Variants in CMSS1 observed in about 807,000 individuals in gnomAD.
The protein encoded by CMSS1 is cms1 ribosomal small subunit homolog.
A neutral mutation model predicts 43.5 loss-of-function variants in CMSS1; 33 were observed. The ratio of observed to expected loss-of-function variants is 0.76; its 90% CI spans 0.57 to 1.01. The LOEUF (loss-of-function observed/expected upper bound fraction) is 1.01, where lower values mean the gene tolerates loss of function less well. Ranked by LOEUF, CMSS1 falls within the 50% of genes least tolerant of loss-of-function variation. The probability of loss-of-function intolerance (pLI) is 0.00; values close to 1 mark genes in which losing one functional copy is unlikely to be tolerated. For synonymous variants in CMSS1, 115 were observed against 117.2 expected (o/e 0.98, Z 0.12); for missense variants, 313 against 326.4 (o/e 0.96, Z 0.32).
intron 1 of CMSS1, among the ~76,000 whole-genome samples, chr3:99,876,777 C>CAA (rs1705548020): frequency 6.6e-6 from 1 of 152,014 alleles, no homozygotes; most frequent in Non-Finnish European, 1.5e-5. Flanking sequence ...TTATTTTTTT[C>CAA]AGTGTTTTTC....
chr3:99,834,180 C>T (rs1261058030), intron 1 of CMSS1, among the ~76,000 whole-genome samples: 1 of 152,142 alleles, frequency 6.6e-6, no homozygotes, highest in African/African-American at 2.4e-5. Flanking sequence ...AACAATGAAA[C>T]TTTATCACTA....
chr3:100,080,253 G>A (rs2065910837), intron 1 of CMSS1, among the ~76,000 whole-genome samples: 1 of 152,048 alleles, frequency 6.6e-6, no homozygotes, highest in African/African-American at 2.4e-5. Flanking sequence ...AAAGTATTGG[G>A]ATTACAAGCA....
intron 7 of CMSS1, 94 bp from the exon 8 acceptor site, chr3:100,172,222 C>A: frequency 8.8e-7 from 1 of 1,141,318 alleles, no homozygotes; most frequent in Admixed American, 2.1e-5. Flanking sequence ...TTGTATTTCA[C>A]TTTCTTAACT....
intron 1 of CMSS1, among the ~76,000 whole-genome samples, chr3:100,007,959 A>G (rs1481578450): frequency 6.6e-6 from 1 of 152,122 alleles, no homozygotes; most frequent in Non-Finnish European, 1.5e-5. Flanking sequence ...TTTCTTGCAA[A>G]TTTGGAAACT....
At chr3:100,127,418 C>A (rs2066672357) in intron 1 of CMSS1, among the ~76,000 whole-genome samples, 1 of 152,186 alleles carries the variant, frequency 6.6e-6, no homozygotes, top group African/African-American at 2.4e-5. Flanking sequence ...CCCAGGATGG[C>A]TCTAAAACCT....
chr3:100,039,953 C>G (rs1298776390), intron 1 of CMSS1: 3 of 152,122 alleles, frequency 2.0e-5, no homozygotes, highest in Non-Finnish European at 4.4e-5. Context: ...TGGGGTTTCA[C>G]TGTGTTAGCC....
At chr3:100,038,926 A>G (rs117397001) in intron 1 of CMSS1, among the ~76,000 whole-genome samples, 1 of 152,276 alleles carries the variant, frequency 6.6e-6, no homozygotes, top group East Asian at 1.9e-4. Context: ...GAAAGAATGA[A>G]CGTACATGTT....
At chr3:99,951,347 A>G (rs924421857) in intron 1 of CMSS1, among the ~76,000 whole-genome samples, 2 of 151,980 alleles carry the variant, frequency 1.3e-5, no homozygotes, top group African/African-American at 4.8e-5. Flanking sequence ...AACCTCCCCC[A>G]CTGAACCCTT....
chr3:100,096,833 G>A (rs1248250586), intron 1 of CMSS1, among the ~76,000 whole-genome samples: 1 of 152,032 alleles, frequency 6.6e-6, no homozygotes, highest in Non-Finnish European at 1.5e-5. Context: ...CCCATGATGT[G>A]ATTATTATAC....
At chr3:100,063,909 CT>C (rs770280786) in intron 1 of CMSS1, among the ~76,000 whole-genome samples, 18 of 152,302 alleles carry the variant, frequency 1.2e-4, no homozygotes, top group Non-Finnish European at 2.4e-4. Context: ...ATGTTAAAAT[CT>C]CTCCACATGT....
At chr3:100,130,426 T>C (rs1405284069) in intron 1 of CMSS1, among the ~76,000 whole-genome samples, 1 of 152,238 alleles carries the variant, frequency 6.6e-6, no homozygotes, top group Non-Finnish European at 1.5e-5. Flanking sequence ...TAAAGACTCA[T>C]ATTATGTGGC....
At chr3:100,012,376 T>TA (rs1710182909) in intron 1 of CMSS1, among the ~76,000 whole-genome samples, 1 of 152,114 alleles carries the variant, frequency 6.6e-6, no homozygotes, top group African/African-American at 2.4e-5. Flanking sequence ...ATCATATCAT[T>TA]AAAAGCCCAA....
At chr3:100,028,666 A>C (rs1368632292) in intron 1 of CMSS1, among the ~76,000 whole-genome samples, 1 of 152,214 alleles carries the variant, frequency 6.6e-6, no homozygotes, top group Admixed American at 6.6e-5. Flanking sequence ...ATAATGGAAT[A>C]GCATTTTTTT....
intron 1 of CMSS1, among the ~76,000 whole-genome samples, chr3:99,882,141 G>C (rs556075187): frequency 5.9e-5 from 9 of 152,258 alleles, no homozygotes; most frequent in Non-Finnish European, 1.3e-4. Context: ...AATGGTCCTA[G>C]AAAGCCTGAG....
chr3:100,013,075 T>C (rs1710209038), intron 1 of CMSS1, among the ~76,000 whole-genome samples: 1 of 152,076 alleles, frequency 6.6e-6, no homozygotes, highest in African/African-American at 2.4e-5. Flanking sequence ...CAGGGTTTTG[T>C]CTTGTTGTCC....
chr3:99,946,902 A>C lies in CMSS1; in HGVS notation c.64+128859A>C, dbSNP rs146499342. 4.1e-3 allele frequency among the ~76,000 whole-genome samples: 630 copies of C among 152,262 alleles called. 8 individuals are homozygous for C. The highest frequency in any genetic ancestry group is 0.014 in the African/African-American group (602 of 41,536). On this transcript the variant is annotated intron_variant, in intron 1 of 9. Coordinates refer to ENST00000421999, the MANE Select transcript of CMSS1 (RefSeq NM_032359.4). ...TCATTTGTTGCACAGGTGCTAACAG[A>C]GGTGGGCGGATCTCCTGAGGTCTGG...
chr3:99,823,259 A>T (rs1158165390), intron 1 of CMSS1, among the ~76,000 whole-genome samples: 1 of 152,166 alleles, frequency 6.6e-6, no homozygotes, highest in African/African-American at 2.4e-5. Context: ...TCTGCCAGTA[A>T]CTCAAACCTG....
At chr3:100,029,546 T>C (rs193018316) in intron 1 of CMSS1, among the ~76,000 whole-genome samples, 44 of 152,304 alleles carry the variant, frequency 2.9e-4, no homozygotes, top group African/African-American at 1.1e-3. Context: ...TGTGCATTAA[T>C]TGGAGTTTAT....
chr3:99,979,565 A>G (rs1294305722), intron 1 of CMSS1, among the ~76,000 whole-genome samples: 1 of 152,228 alleles, frequency 6.6e-6, no homozygotes, highest in African/African-American at 2.4e-5. Context: ...GAGAAACAGG[A>G]TAAAACTCCT....
Sources: gnomAD v4.1 joint callset for allele counts (sites outside exome capture counted in the v4.1 genomes callset) on GRCh38, gnomAD v4.1.1 for gene constraint, MANE v1.5 for transcripts, NCBI Gene and HGNC (gene_info 2026-07-23, HGNC 2026-07-21) for gene names.